The following IL1RAPL1 variants were observed in gnomAD, a reference collection of about 807,000 sequenced individuals.
IL1RAPL1 encodes the protein interleukin-1 receptor accessory protein-like 1.
IL1RAPL1 carries 3 observed loss-of-function variants against 48.4 expected under a neutral mutation model. The observed-to-expected ratio is 0.06, with a 90% CI of 0.03 to 0.16. The LOEUF is 0.16. Ranked by LOEUF, IL1RAPL1 falls within the 10% of genes least tolerant of loss-of-function variation. The pLI is 1.00. For missense variants in IL1RAPL1, 349 were observed against 530.6 expected (o/e 0.66, Z 3.36); for synonymous variants, 185 against 187.7 (o/e 0.99, Z 0.12).
At chrX:29,280,989 T>C (rs1183077490) in intron 2 of IL1RAPL1, among the ~76,000 whole-genome samples, 2 of 112,281 alleles carry the variant, frequency 1.8e-5, no homozygotes, top group Non-Finnish European at 3.8e-5. Context: ...TCCTGGCACA[T>C]CGTTAAGTGC....
At chrX:29,371,416 G>A (rs1196065259) in intron 3 of IL1RAPL1, among the ~76,000 whole-genome samples, 2 of 111,412 alleles carry the variant, frequency 1.8e-5, no homozygotes, top group Non-Finnish European at 3.8e-5. Context: ...ACAGGCATGA[G>A]CCACCGTGCC....
chrX:29,593,102 T>G, intron 5 of IL1RAPL1, among the ~76,000 whole-genome samples: 1 of 111,989 alleles, frequency 8.9e-6, no homozygotes, highest in East Asian at 2.8e-4. Flanking sequence ...CAACAGTTCT[T>G]TTCCCCAGCC....
At chrX:29,177,779 T>A (rs1380514742) in intron 2 of IL1RAPL1, among the ~76,000 whole-genome samples, 1 of 110,877 alleles carries the variant, frequency 9.0e-6, no homozygotes, top group Non-Finnish European at 1.9e-5. Flanking sequence ...GTGTGTGATG[T>A]TCCCCTCCCT....
At chrX:28,981,896 T>TGCCTC (rs1466342739) in intron 2 of IL1RAPL1, among the ~76,000 whole-genome samples, 1 of 111,576 alleles carries the variant, frequency 9.0e-6, no homozygotes, top group African/African-American at 3.3e-5. Flanking sequence ...AACCTTTGCC[T>TGCCTC]GCCTCACTGT....
intron 2 of IL1RAPL1, among the ~76,000 whole-genome samples, chrX:28,814,377 G>GTGTGTA (rs1936834296): frequency 9.4e-6 from 1 of 106,140 alleles, no homozygotes; most frequent in Non-Finnish European, 2.0e-5. Flanking sequence ...GTGTGTGTGT[G>GTGTGTA]TGTATGTGTA....
At chrX:29,374,983 A>G (rs756653778) in intron 3 of IL1RAPL1, among the ~76,000 whole-genome samples, 240 of 108,261 alleles carry the variant, frequency 2.2e-3, no homozygotes, top group Middle Eastern at 4.8e-3. Context: ...GAGGACTTCT[A>G]TGGCAACATA....
intron 2 of IL1RAPL1, among the ~76,000 whole-genome samples, chrX:29,146,562 TATAAG>T (rs1326011096): frequency 1.8e-5 from 2 of 111,958 alleles, no homozygotes; most frequent in African/African-American, 6.5e-5. Context: ...ATCTCATAAT[TATAAG>T]ACAATATTTG....
intron 5 of IL1RAPL1, among the ~76,000 whole-genome samples, chrX:29,428,950 C>T (rs1934382701): frequency 8.9e-6 from 1 of 111,917 alleles, no homozygotes; most frequent in Non-Finnish European, 1.9e-5. Flanking sequence ...GGAATATTCT[C>T]TCTGCCAAGA....
intron 3 of IL1RAPL1, among the ~76,000 whole-genome samples, chrX:29,319,550 G>GTATCTATCTATC (rs1196506135): frequency 8.5e-4 from 41 of 48,387 alleles, no homozygotes; most frequent in Non-Finnish European, 9.9e-4. Context: ...ATGTATGTAT[G>GTATCTATCTATC]TATGTATGTA....
intron 6 of IL1RAPL1, among the ~76,000 whole-genome samples, chrX:29,682,208 A>C (rs1156283175): frequency 2.7e-5 from 3 of 111,643 alleles, no homozygotes; most frequent in Non-Finnish European, 5.6e-5. Context: ...GTTCAGGGTA[A>C]AAATGTATAT....
chrX:29,566,758 T>C (rs1922420775), intron 5 of IL1RAPL1, among the ~76,000 whole-genome samples: 1 of 112,208 alleles, frequency 8.9e-6, no homozygotes. Flanking sequence ...GCAATATAGG[T>C]TATTAATATT....
chrX:29,089,442 A>G (rs1204765545), intron 2 of IL1RAPL1, among the ~76,000 whole-genome samples: 1 of 109,813 alleles, frequency 9.1e-6, no homozygotes, highest in Non-Finnish European at 1.9e-5. Flanking sequence ...ATTATACAAA[A>G]CAGTGTTAAC....
chrX:29,131,433 G>A (rs1369667501), intron 2 of IL1RAPL1, among the ~76,000 whole-genome samples: 1 of 110,376 alleles, frequency 9.1e-6, no homozygotes, highest in Non-Finnish European at 1.9e-5. Flanking sequence ...AAGTATAGAG[G>A]GGGGTATTTT....
chrX:29,443,458 A>G (rs186354500), intron 5 of IL1RAPL1, among the ~76,000 whole-genome samples: 10 of 111,378 alleles, frequency 9.0e-5, no homozygotes, highest in African/African-American at 3.3e-4. Context: ...ATTATTCGCC[A>G]TAGCCTAGAA....
At chrX:29,903,181 TGTGAGA>T (rs1932530354) in intron 6 of IL1RAPL1, among the ~76,000 whole-genome samples, 1 of 95,698 alleles carries the variant, frequency 1.0e-5, no homozygotes, top group Non-Finnish European at 2.2e-5. Flanking sequence ...TGTGTGTGTG[TGTGAGA>T]GAGAGAGAGA....
At chrX:29,881,856 C>G (rs1173580528) in intron 6 of IL1RAPL1, among the ~76,000 whole-genome samples, 1 of 111,371 alleles carries the variant, frequency 9.0e-6, no homozygotes, top group Non-Finnish European at 1.9e-5. Flanking sequence ...GGGAAGAGGG[C>G]TGAGTTCAAA....
At chrX:29,725,869 C>A (rs1406565847) in intron 6 of IL1RAPL1, among the ~76,000 whole-genome samples, 1 of 112,317 alleles carries the variant, frequency 8.9e-6, no homozygotes, top group Non-Finnish European at 1.9e-5. Flanking sequence ...AGCTTTCCAG[C>A]ACCTCACCTG....
At chrX:29,471,091 A>G (rs190525748) in intron 5 of IL1RAPL1, among the ~76,000 whole-genome samples, 37 of 111,592 alleles carry the variant, frequency 3.3e-4, no homozygotes, top group African/African-American at 1.2e-3. Flanking sequence ...ATAGAAGTTT[A>G]TTTACCCAAA....
At chrX:28,817,431 A>G (rs932627586) in intron 2 of IL1RAPL1, among the ~76,000 whole-genome samples, 33 of 110,881 alleles carry the variant, frequency 3.0e-4, no homozygotes, top group Admixed American at 8.7e-4. Context: ...AGTATACAGA[A>G]GCTACCATGC....
Sources: allele counts gnomAD v4.1 joint callset (sites outside exome capture counted in the v4.1 genomes callset), GRCh38; gene constraint gnomAD v4.1.1; transcripts MANE v1.5; gene names NCBI Gene and HGNC (gene_info 2026-07-23, HGNC 2026-07-21).